Variants in RNGTT observed in about 807,000 individuals in gnomAD.
The protein encoded by RNGTT is mRNA-capping enzyme.
A neutral mutation model predicts 79.3 loss-of-function variants in RNGTT; 33 were observed. The observed-to-expected ratio is 0.42, with a 90% CI of 0.32 to 0.56. The LOEUF (loss-of-function observed/expected upper bound fraction) is 0.56. Ranked by LOEUF, RNGTT falls within the 20% of genes least tolerant of loss-of-function variation. RNGTT has a pLI of 0.17. For missense variants in RNGTT, 497 were observed against 739.1 expected (o/e 0.67, Z 3.80); for synonymous variants, 222 against 235.9 (o/e 0.94, Z 0.54).
intron 10 of RNGTT, 107 bp downstream of exon 10, chr6:88,849,648 C>A: frequency 9.9e-7 from 1 of 1,015,042 alleles, no homozygotes; most frequent in Non-Finnish European, 1.3e-6. Flanking sequence ...TAACCTGAGT[C>A]ACAAATTTTC....
intron 10 of RNGTT, among the ~76,000 whole-genome samples, chr6:88,845,752 C>T (rs183306678): frequency 1.3e-5 from 2 of 152,068 alleles, no homozygotes; most frequent in Non-Finnish European, 2.9e-5. Flanking sequence ...AGGAGAGAGA[C>T]AAAGTGAGTG....
chr6:88,636,995 A>G (rs1360344551), intron 14 of RNGTT, among the ~76,000 whole-genome samples: 1 of 152,050 alleles, frequency 6.6e-6, no homozygotes, highest in Non-Finnish European at 1.5e-5. Context: ...ATACTTCACA[A>G]TCCTTATGTT....
chr6:88,890,094 T>G (rs1782992440), intron 8 of RNGTT, among the ~76,000 whole-genome samples: 1 of 152,152 alleles, frequency 6.6e-6, no homozygotes, highest in African/African-American at 2.4e-5. Context: ...CAAAGGAGAA[T>G]ACAGAATGAA....
At chr6:88,897,756 A>T (rs780324553) in intron 6 of RNGTT, among the ~76,000 whole-genome samples, 1 of 152,168 alleles carries the variant, frequency 6.6e-6, no homozygotes, top group Non-Finnish European at 1.5e-5. Context: ...CACCAAACCT[A>T]GATTACTTGT....
chr6:88,718,041 T>C (rs1393041992), intron 13 of RNGTT, among the ~76,000 whole-genome samples: 1 of 152,130 alleles, frequency 6.6e-6, no homozygotes, highest in African/African-American at 2.4e-5. Flanking sequence ...GGAGGCAAAG[T>C]AGGGCAAGAA....
intron 11 of RNGTT, among the ~76,000 whole-genome samples, chr6:88,807,368 G>C (rs1167681101): frequency 1.3e-5 from 2 of 152,044 alleles, no homozygotes; most frequent in Non-Finnish European, 2.9e-5. Context: ...TGAAACAATT[G>C]AAAATGCAGA....
chr6:88,859,060 T>C (rs1781924925), intron 8 of RNGTT, among the ~76,000 whole-genome samples: 1 of 151,738 alleles, frequency 6.6e-6, no homozygotes. Context: ...GGTGTGAACA[T>C]AGCTCACTGC....
At chr6:88,657,399 C>T (rs141331374) in intron 14 of RNGTT, among the ~76,000 whole-genome samples, 7 of 152,240 alleles carry the variant, frequency 4.6e-5, no homozygotes, top group Non-Finnish European at 7.4e-5. Context: ...CCCAGGGAAG[C>T]CATTGTTAGC....
intron 13 of RNGTT, among the ~76,000 whole-genome samples, chr6:88,743,943 T>A (rs1207995174): frequency 1.3e-5 from 2 of 152,164 alleles, no homozygotes; most frequent in Non-Finnish European, 2.9e-5. Context: ...ACTTTATAGG[T>A]TTAGTATGAT....
At chr6:88,854,861 T>C (rs968368682) in intron 8 of RNGTT, among the ~76,000 whole-genome samples, 1 of 152,190 alleles carries the variant, frequency 6.6e-6, no homozygotes, top group Non-Finnish European at 1.5e-5. Flanking sequence ...CCAGATGGAC[T>C]GATGTTGAAG....
intron 14 of RNGTT, among the ~76,000 whole-genome samples, chr6:88,663,155 A>G (rs1774253524): frequency 6.6e-6 from 1 of 152,054 alleles, no homozygotes; most frequent in Non-Finnish European, 1.5e-5. Flanking sequence ...CCTTTGTGGT[A>G]AGAGTGTTGT....
chr6:88,938,957 C>T (rs1784757968), intron 2 of RNGTT, among the ~76,000 whole-genome samples: 1 of 152,206 alleles, frequency 6.6e-6, no homozygotes, highest in Admixed American at 6.5e-5. Context: ...TCTCGCTTGG[C>T]CTATAAGGTT....
chr6:88,868,650 C>T (rs17582264), intron 8 of RNGTT, among the ~76,000 whole-genome samples: 37,418 of 152,034 alleles, frequency 0.25, 5,309 homozygotes, highest in Non-Finnish European at 0.32. Context: ...TAGATTTTGA[C>T]CTATTTTAGG....
chr6:88,956,811 G>A (rs1391575390), intron 1 of RNGTT, among the ~76,000 whole-genome samples: 1 of 152,128 alleles, frequency 6.6e-6, no homozygotes, highest in Non-Finnish European at 1.5e-5. Context: ...GGCCGAGGTG[G>A]GTGAATCATT....
At chr6:88,628,729 T>A (rs970955499) in intron 14 of RNGTT, among the ~76,000 whole-genome samples, 1 of 152,170 alleles carries the variant, frequency 6.6e-6, no homozygotes, top group African/African-American at 2.4e-5. Flanking sequence ...AATATTTAAA[T>A]AGTTTCTTCA....
In RNGTT at chr6:88,893,897, A is replaced by G. The variant is rs571415905; in HGVS notation, c.685-1982T>C. ...TAATTTGCTATTTAATGTTACTACA[A>G]TAGTTCTGACAAAATACCATTTTTA... On this transcript the variant is annotated intron_variant, in intron 6 of 15. Transcript: ENST00000369485. Among the ~76,000 whole-genome samples the G allele has an allele frequency of 2.6e-5, 4 of 152,304 alleles. No individual in the cohort carries two copies. The East Asian group carries it at 7.7e-4, about 29-fold the overall frequency.
At chr6:88,900,133 C>CAAAAAAAAAAAAAAAAAA in intron 6 of RNGTT, among the ~76,000 whole-genome samples, 1 of 131,610 alleles carries the variant, frequency 7.6e-6, no homozygotes, top group Non-Finnish European at 1.6e-5. Context: ...CTCAAATATG[C>CAAAAAAAAAAAAAAAAAA]AAAAAAAAAA....
At chr6:88,961,847 A>G (rs1785638144) in intron 1 of RNGTT, among the ~76,000 whole-genome samples, 1 of 152,242 alleles carries the variant, frequency 6.6e-6, no homozygotes, top group Non-Finnish European at 1.5e-5. Context: ...AGAATTGTAC[A>G]TGAATGTTCA....
At position 88,801,822 on chromosome 6, in the gene RNGTT, G is replaced by GACACAC. The variant is rs56124919; in HGVS notation, c.1270-196_1270-191dup. Among the ~76,000 whole-genome samples, 576 of 123,244 alleles carry GACACAC rather than the reference G, an allele frequency of 4.7e-3. 2 individuals carry two copies. The highest frequency in any genetic ancestry group is 0.014 in the Middle Eastern group (3 of 222). 80.9% of individuals were successfully genotyped at this position (123,244 alleles called of 152,430 possible). A position where few individuals can be genotyped will look rare whatever the true frequency, so the allele number is the denominator to read the frequency against. On this transcript the variant is annotated intron_variant, in intron 11 of 15. Coordinates refer to ENST00000369485, the MANE Select transcript of RNGTT (RefSeq NM_003800.5). ...CGTAAGATTTGAATACACACACACA[G>GACACAC]ACACACACACACACACACACACACA...
Sources: gnomAD v4.1 joint callset for allele counts (sites outside exome capture counted in the v4.1 genomes callset) on GRCh38, gnomAD v4.1.1 for gene constraint, MANE v1.5 for transcripts, NCBI Gene and HGNC (gene_info 2026-07-23, HGNC 2026-07-21) for gene names.